Variants in CC2D2A observed in about 807,000 individuals in gnomAD.
CC2D2A encodes the protein coiled-coil and C2 domain-containing protein 2A.
A neutral mutation model predicts 212.9 loss-of-function variants in CC2D2A; 155 were observed. That is an observed-to-expected ratio of 0.73 (90% CI 0.64 to 0.83). The LOEUF (loss-of-function observed/expected upper bound fraction) is 0.83. Ranked by LOEUF, CC2D2A falls within the 40% of genes least tolerant of loss-of-function variation. The pLI is 0.00. For missense variants in CC2D2A, 1,856 were observed against 1,956.2 expected (o/e 0.95, Z 0.97); for synonymous variants, 667 against 686.5 (o/e 0.97, Z 0.44).
chr4:15,532,960 A>T (rs1038724176), intron 13 of CC2D2A, among the ~76,000 whole-genome samples: 1 of 152,230 alleles, frequency 6.6e-6, no homozygotes, highest in Non-Finnish European at 1.5e-5. Context: ...TTTAATACAA[A>T]TTTTTTAAGT....
At chr4:15,486,498 AGTT>A (rs2108981305) in intron 4 of CC2D2A, among the ~76,000 whole-genome samples, 1 of 152,020 alleles carries the variant, frequency 6.6e-6, no homozygotes, top group South Asian at 2.1e-4. Flanking sequence ...CTGTGGTATC[AGTT>A]GTTATGTCTC....
At position 15,514,713 on chromosome 4, in the gene CC2D2A, G is replaced by A. The variant is rs1373541472; in HGVS notation, c.724G>A (p.Glu242Lys). ...ACTTTTTAACATTATGCAGGATGAG[G>A]AAGAACTGCTTAATGGTGATGATGC... ...AQGGGKEMDE[E>K]ELLNGDDAED... Residue 242 changes from glutamate (E) to lysine (K), a missense_variant, in exon 9 of 37, where the codon GAA becomes AAA. Physicochemically the swap from Glu to Lys is moderately conservative, Grantham distance 56 (BLOSUM62 1). Transcript: ENST00000424120. The A allele has an allele frequency of 1.9e-6, 3 of 1,544,448 alleles. No homozygotes were observed. The highest frequency in any genetic ancestry group is 1.4e-5 in the African/African-American group (1 of 73,296).
At chr4:15,527,317 G>A (rs1424160779) in intron 11 of CC2D2A, 130 bp from the exon 12 acceptor site, 2 of 572,386 alleles carry the variant, frequency 3.5e-6, no homozygotes, top group African/African-American at 1.9e-5. Context: ...AAGTAATCAA[G>A]CATTTTTCAC....
At chr4:15,507,185 G>C (rs1484459955) in intron 6 of CC2D2A, among the ~76,000 whole-genome samples, 1 of 152,098 alleles carries the variant, frequency 6.6e-6, no homozygotes, top group East Asian at 1.9e-4. Context: ...ACTTCATTTA[G>C]CATTGCATTG....
chr4:15,529,892 ATT>A (rs150650398), intron 13 of CC2D2A, among the ~76,000 whole-genome samples: 1 of 142,972 alleles, frequency 7.0e-6, no homozygotes, highest in Middle Eastern at 3.7e-3. Flanking sequence ...TTTAAATTTT[ATT>A]TTTTTTAATT....
chr4:15,476,847 A>G (rs1714247751), intron 2 of CC2D2A, among the ~76,000 whole-genome samples: 1 of 152,228 alleles, frequency 6.6e-6, no homozygotes, highest in Admixed American at 6.5e-5. Context: ...ACTGCAGACC[A>G]TCCAACAAAA....
Position 15,569,365 on chromosome 4 carries a change from T to C in CC2D2A, c.3471T>C (p.Asp1157=), listed in dbSNP as rs770467923. 24 of 1,573,692 alleles carry C rather than the reference T, an allele frequency of 1.5e-5. No individual in the cohort carries two copies. The highest frequency in any genetic ancestry group is 2.1e-5 in the Non-Finnish European group (24 of 1,156,722). Reference sequence around the variant, plus strand: ...ATGTTGTGTTCATTAACATTTTTGATGAAGTACTGCATGATGTCTTAGAGG... The same window carrying C: ...ATGTTGTGTTCATTAACATTTTTGACGAAGTACTGCATGATGTCTTAGAGG... The part of the protein sequence containing the change: ...VKDVVFINIF[D]EVLHDVLEDD... Residue 1157 remains aspartate, a synonymous_variant, in exon 27 of 37, where the codon GAT becomes GAC. Coordinates refer to ENST00000424120, the MANE Select transcript of CC2D2A (RefSeq NM_001378615.1).
At chr4:15,570,995 C>T (rs1720139982) in intron 28 of CC2D2A, among the ~76,000 whole-genome samples, 1 of 152,184 alleles carries the variant, frequency 6.6e-6, no homozygotes. Context: ...AAGAAACAAA[C>T]CTCTAAAGCC....
intron 4 of CC2D2A, among the ~76,000 whole-genome samples, chr4:15,485,735 T>G (rs1714960842): frequency 6.6e-6 from 1 of 152,212 alleles, no homozygotes; most frequent in African/African-American, 2.4e-5. Flanking sequence ...TTTGAGCATT[T>G]TTGCGTATAC....
intron 33 of CC2D2A, among the ~76,000 whole-genome samples, chr4:15,595,377 G>A (rs948268496): frequency 2.4e-4 from 37 of 152,172 alleles, no homozygotes; most frequent in South Asian, 2.1e-4. Context: ...ATGTGGACAC[G>A]AATAGACAGG....
At chr4:15,477,356 T>C (rs533262372) in intron 2 of CC2D2A, among the ~76,000 whole-genome samples, 88 of 151,870 alleles carry the variant, frequency 5.8e-4, no homozygotes, top group African/African-American at 2.1e-3. Context: ...CCCACATAAA[T>C]TTATATTTGC....
intron 2 of CC2D2A, among the ~76,000 whole-genome samples, chr4:15,478,522 A>G (rs1243920005): frequency 6.6e-6 from 1 of 152,242 alleles, no homozygotes; most frequent in African/African-American, 2.4e-5. Flanking sequence ...ATGGTCCAAT[A>G]TGGATACGAC....
intron 3 of CC2D2A, chr4:15,479,206 T>C (rs780368051): frequency 1.1e-4 from 173 of 1,530,928 alleles, no homozygotes; most frequent in Non-Finnish European, 1.4e-4. Flanking sequence ...CAAGCCCAAA[T>C]TCTGTCTTTG....
In CC2D2A at chr4:15,567,448, G is replaced by A; in HGVS notation, c.3254G>A (p.Ser1085Asn). Residue 1085 changes from serine (S) to asparagine (N), a missense_variant, in exon 25 of 37, where the codon AGC (serine) becomes AAC (asparagine). By Grantham distance (46) the Ser-to-Asn change is conservative. Transcript: ENST00000424120. ...CATGCTGCTTCCCCAAGCACGTACAGCCCAACCCACAATGCTGACTACCCC... is the reference window on the plus strand; with the variant it reads ...CATGCTGCTTCCCCAAGCACGTACAACCCAACCCACAATGCTGACTACCCC... ...EKHAASPSTY[S>N]PTHNADYPLG... 1.2e-6 allele frequency: 2 copies of A among 1,613,658 alleles called. No homozygotes were observed. Among genetic ancestry groups the A allele is most frequent in the Non-Finnish European group, 1.7e-6 (2 of 1,179,738 alleles).
At position 15,528,935 on chromosome 4, in the gene CC2D2A, T is replaced by C. The variant is rs1240343714; in HGVS notation, c.1466+209T>C. ...TAAGGAAATGGTCACTCTGCAGGTG[T>C]AAGGGAAAAGTGCTACAGCTACCGC... On this transcript the variant is annotated intron_variant, in intron 13 of 36. Coordinates refer to ENST00000424120, the MANE Select transcript of CC2D2A (RefSeq NM_001378615.1). Among the ~76,000 whole-genome samples, 6 of 152,278 alleles carry C rather than the reference T, an allele frequency of 3.9e-5. No homozygotes were observed. The East Asian group carries it at 9.6e-4, about 24-fold the overall frequency.
chr4:15,474,135 T>G (rs1714012815), intron 1 of CC2D2A, among the ~76,000 whole-genome samples: 1 of 152,174 alleles, frequency 6.6e-6, no homozygotes, highest in Non-Finnish European at 1.5e-5. Context: ...AGCATTCCTA[T>G]CTTTGGTGGT....
At chr4:15,537,857 C>T (rs1214781140) in intron 15 of CC2D2A, 42 bp from the exon 16 acceptor site, 2 of 1,549,612 alleles carry the variant, frequency 1.3e-6, no homozygotes, top group Admixed American at 2.0e-5. Flanking sequence ...AAATGAAATT[C>T]CAAAATTCCT....
chr4:15,475,291 G>A (rs991109250), intron 1 of CC2D2A, among the ~76,000 whole-genome samples: 6 of 151,940 alleles, frequency 3.9e-5, no homozygotes, highest in African/African-American at 1.2e-4. Context: ...AAAGTGTAGG[G>A]GGCAGGGGCC....
chr4:15,523,750 T>G (rs1717341510), intron 11 of CC2D2A, among the ~76,000 whole-genome samples: 1 of 152,246 alleles, frequency 6.6e-6, no homozygotes, highest in African/African-American at 2.4e-5. Context: ...CTGATTCTTC[T>G]TGAATACTGG....
Sources: allele counts gnomAD v4.1 joint callset (sites outside exome capture counted in the v4.1 genomes callset), GRCh38; gene constraint gnomAD v4.1.1; transcripts MANE v1.5; gene names NCBI Gene and HGNC (gene_info 2026-07-23, HGNC 2026-07-21).